The following SHISA6 variants were observed in gnomAD, a reference collection of about 807,000 sequenced individuals.
SHISA6 encodes protein shisa-6.
Under a neutral mutation model 47.9 loss-of-function variants are expected in SHISA6, and 22 were observed. The ratio of observed to expected loss-of-function variants is 0.46; its 90% CI spans 0.33 to 0.66. The LOEUF is 0.66. SHISA6 is among the 30% of genes least tolerant of loss of function. The pLI, the probability that SHISA6 is intolerant of heterozygous loss-of-function variation, is 0.02. For missense variants in SHISA6, 680 were observed against 764.6 expected (o/e 0.89, Z 1.30); for synonymous variants, 388 against 337.8 (o/e 1.15, Z -1.63).
chr17:11,430,049 G>A lies in SHISA6; in HGVS notation c.895+50540G>A, dbSNP rs576156570. 1.0e-3 allele frequency among the ~76,000 whole-genome samples: 156 copies of A among 152,230 alleles called. No homozygotes were observed. The Middle Eastern group carries it at 0.037, about 37-fold the overall frequency. On this transcript the variant is annotated intron_variant, in intron 3 of 5. Coordinates refer to ENST00000441885, the MANE Select transcript of SHISA6 (RefSeq NM_207386.4). ...AAATACTAGTAGATGCCCCAACGAA[G>A]GTATTATCTCCTCACTTTTGAGATG...
chr17:11,427,417 G>A (rs1037957033), intron 3 of SHISA6, among the ~76,000 whole-genome samples: 1 of 152,112 alleles, frequency 6.6e-6, no homozygotes, highest in South Asian at 2.1e-4. Flanking sequence ...ACAGGCGTGA[G>A]CCACCGCGCC....
At chr17:11,428,639 G>T (rs1169022353) in intron 3 of SHISA6, among the ~76,000 whole-genome samples, 1 of 152,186 alleles carries the variant, frequency 6.6e-6, no homozygotes, top group Non-Finnish European at 1.5e-5. Flanking sequence ...ACACATTTAT[G>T]ATTTCACAGC....
chr17:11,242,424 T>G (rs1021903114), intron 1 of SHISA6, among the ~76,000 whole-genome samples: 1 of 152,214 alleles, frequency 6.6e-6, no homozygotes, highest in African/African-American at 2.4e-5. Flanking sequence ...TTTAGTTTTT[T>G]GAGTCAAATC....
rs1052022539 is a variant in SHISA6 at position 11,296,515 on chromosome 17, A to T, written c.799+32989A>T. ...TGTTTGACTATAGTGGTGCCATTTA[A>T]TGGAATAGAAAAGAGTCCTCAGTAG... On this transcript the variant is annotated intron_variant, in intron 2 of 5. Transcript: ENST00000441885. Among the ~76,000 whole-genome samples, 7 of 152,178 alleles carry T rather than the reference A, an allele frequency of 4.6e-5. No individual in the cohort carries two copies. In the South Asian group the frequency reaches 6.2e-4, roughly 14 times the overall value.
intron 3 of SHISA6, among the ~76,000 whole-genome samples, chr17:11,466,562 C>T (rs1915815053): frequency 6.6e-6 from 1 of 152,160 alleles, no homozygotes; most frequent in Non-Finnish European, 1.5e-5. Context: ...CCATTCTGTT[C>T]CCAAGTCACA....
In SHISA6 at chr17:11,530,234, C is replaced by T. The variant is rs1187401668; in HGVS notation, c.896-21662C>T. Among the ~76,000 whole-genome samples, 3 of 152,218 alleles carry T rather than the reference C, an allele frequency of 2.0e-5. No homozygotes were observed. The South Asian group carries it at 6.2e-4, about 32-fold the overall frequency. On this transcript the variant is annotated intron_variant, in intron 3 of 5. Transcript: ENST00000441885. ...ATAACACCATTGAAATGGAAACAAC[C>T]TAGTTATCTAACAATAAGGATAGGT...
At chr17:11,516,436 A>G (rs532923688) in intron 3 of SHISA6, among the ~76,000 whole-genome samples, 1 of 152,348 alleles carries the variant, frequency 6.6e-6, no homozygotes, top group Non-Finnish European at 1.5e-5. Context: ...GCTCATTCAC[A>G]GGGGCAGAAT....
intron 2 of SHISA6, among the ~76,000 whole-genome samples, chr17:11,305,098 C>G (rs1910063358): frequency 6.6e-6 from 1 of 152,186 alleles, no homozygotes; most frequent in South Asian, 2.1e-4. Flanking sequence ...CCTGGTGAAG[C>G]ATAGCACCTG....
rs1030324818 is a variant in SHISA6 at position 11,295,885 on chromosome 17, C to A, written c.799+32359C>A. 2.0e-5 allele frequency among the ~76,000 whole-genome samples: 3 copies of A among 150,058 alleles called. No individual in the cohort carries two copies. The South Asian group carries it at 6.3e-4, about 32-fold the overall frequency. On this transcript the variant is annotated intron_variant, in intron 2 of 5. Coordinates refer to ENST00000441885, the MANE Select transcript of SHISA6 (RefSeq NM_207386.4). ...GGCTGAGGCAGGAGAATCGCTTGAA[C>A]CCGGGAGGTGGAGGTTGCAAGTGAG...
intron 3 of SHISA6, among the ~76,000 whole-genome samples, chr17:11,391,442 T>C (rs905568831): frequency 9.2e-5 from 14 of 152,166 alleles, no homozygotes; most frequent in Non-Finnish European, 1.3e-4. Context: ...TCTTCCTCCT[T>C]GTTACACTTC....
chr17:11,296,384 G>A lies in SHISA6; in HGVS notation c.799+32858G>A, dbSNP rs1341111762. ...AAAGGAGCGTGCAGAGAATGGGAAG[G>A]CTACCAAATAGATTTCAAGGCAAAA... On this transcript the variant is annotated intron_variant, in intron 2 of 5. Coordinates refer to ENST00000441885, the MANE Select transcript of SHISA6 (RefSeq NM_207386.4). Among the ~76,000 whole-genome samples, 3 of 152,170 alleles carry A rather than the reference G, an allele frequency of 2.0e-5. No individual in the cohort carries two copies. In the South Asian group the frequency reaches 6.2e-4, roughly 32 times the overall value.
In SHISA6 at chr17:11,401,808, C is replaced by T. The variant is rs545370312; in HGVS notation, c.895+22299C>T. Among the ~76,000 whole-genome samples the T allele has an allele frequency of 2.3e-4, 35 of 152,302 alleles. 2 individuals carry two copies. The South Asian group carries it at 7.0e-3, about 31-fold the overall frequency. On this transcript the variant is annotated intron_variant, in intron 3 of 5. Transcript: ENST00000441885. ...GTAGCTGCACAGAACATGCAACCTC[C>T]CTTGTTGACACAATCATGGAGTGAT...
At chr17:11,274,433 G>C (rs939430080) in intron 2 of SHISA6, among the ~76,000 whole-genome samples, 2 of 152,202 alleles carry the variant, frequency 1.3e-5, no homozygotes, top group Non-Finnish European at 2.9e-5. Flanking sequence ...TGACAGGAGC[G>C]AGAGGGTGCT....
At chr17:11,393,213 C>T (rs1280102175) in intron 3 of SHISA6, among the ~76,000 whole-genome samples, 1 of 152,206 alleles carries the variant, frequency 6.6e-6, no homozygotes, top group Non-Finnish European at 1.5e-5. Context: ...AATGGCTCCA[C>T]TAGCTATACA....
chr17:11,465,647 C>T (rs1269916408), intron 3 of SHISA6, among the ~76,000 whole-genome samples: 1 of 152,142 alleles, frequency 6.6e-6, no homozygotes, highest in Non-Finnish European at 1.5e-5. Flanking sequence ...GGAGTCATGG[C>T]GCACACCTCC....
At chr17:11,335,123 G>T (rs1458350241) in intron 2 of SHISA6, among the ~76,000 whole-genome samples, 2 of 152,198 alleles carry the variant, frequency 1.3e-5, no homozygotes, top group Non-Finnish European at 2.9e-5. Flanking sequence ...ATAACTCAGG[G>T]ATACAGAGGT....
chr17:11,482,230 T>C (rs1374341965), intron 3 of SHISA6, among the ~76,000 whole-genome samples: 1 of 152,206 alleles, frequency 6.6e-6, no homozygotes, highest in Non-Finnish European at 1.5e-5. Flanking sequence ...AATATATTGG[T>C]GATGTTTGTT....
At chr17:11,362,965 A>T (rs1429394846) in intron 2 of SHISA6, among the ~76,000 whole-genome samples, 2 of 152,196 alleles carry the variant, frequency 1.3e-5, no homozygotes, top group African/African-American at 2.4e-5. Context: ...TGAGTTTATT[A>T]GTGGAATAAA....
chr17:11,302,015 G>A (rs1474769914), intron 2 of SHISA6, among the ~76,000 whole-genome samples: 4 of 152,188 alleles, frequency 2.6e-5, no homozygotes, highest in South Asian at 2.1e-4. Context: ...AAGCAAAAAC[G>A]GAAACCCCTG....
Sources: allele counts gnomAD v4.1 joint callset (sites outside exome capture counted in the v4.1 genomes callset), GRCh38; gene constraint gnomAD v4.1.1; transcripts MANE v1.5; gene names NCBI Gene and HGNC (gene_info 2026-07-23, HGNC 2026-07-21).